TRPM3: variants seen among roughly 807,000 people sequenced by gnomAD.
The protein encoded by TRPM3 is long transient receptor potential channel 3.
TRPM3 carries 77 observed loss-of-function variants against 181.2 expected under a neutral mutation model. The ratio of observed to expected loss-of-function variants is 0.42; its 90% CI spans 0.35 to 0.51. The LOEUF is 0.51. Among genes scored for constraint, TRPM3 ranks in the 20% least tolerant of loss-of-function variants. TRPM3 has a pLI of 0.01. For missense variants in TRPM3, 1,759 were observed against 2,196.7 expected (o/e 0.80, Z 3.98); for synonymous variants, 745 against 796.4 (o/e 0.94, Z 1.09).
At chr9:70,770,601 C>A (rs1165146965) in intron 7 of TRPM3, among the ~76,000 whole-genome samples, 1 of 152,130 alleles carries the variant, frequency 6.6e-6, no homozygotes, top group Non-Finnish European at 1.5e-5. Context: ...TGGTATGGTG[C>A]CTTTGGCTGT....
intron 22 of TRPM3, among the ~76,000 whole-genome samples, chr9:70,581,683 G>C (rs751596018): frequency 1.3e-5 from 2 of 152,200 alleles, no homozygotes; most frequent in Non-Finnish European, 2.9e-5. Context: ...CATCTGCCTT[G>C]CTGTGTTTGG....
intron 1 of TRPM3, among the ~76,000 whole-genome samples, chr9:71,433,695 C>T (rs1305674443): frequency 6.6e-6 from 1 of 152,288 alleles, no homozygotes; most frequent in South Asian, 2.1e-4. Context: ...AGACACATAA[C>T]CCAAGATTAC....
At chr9:70,545,548 C>CTTTTTTT (rs5898150) in intron 25 of TRPM3, among the ~76,000 whole-genome samples, 23,452 of 113,038 alleles carry the variant, frequency 0.21, 3,774 homozygotes, top group South Asian at 0.35. Flanking sequence ...AATTTTCTTT[C>CTTTTTTT]TTTTTTTTTT....
At chr9:70,591,252 G>T in intron 21 of TRPM3, 47 bp from the exon 22 acceptor site, 1 of 1,526,116 alleles carries the variant, frequency 6.6e-7, no homozygotes, top group Admixed American at 1.7e-5. Flanking sequence ...AAACCCATAT[G>T]ATTGAGTGTT....
chr9:70,840,464 T>G (rs1199695437), intron 5 of TRPM3, among the ~76,000 whole-genome samples: 1 of 152,156 alleles, frequency 6.6e-6, no homozygotes, highest in Non-Finnish European at 1.5e-5. Context: ...GGAACAGGGA[T>G]GATGGATGCA....
intron 1 of TRPM3, among the ~76,000 whole-genome samples, chr9:71,288,396 C>G (rs2085485149): frequency 6.6e-6 from 1 of 151,944 alleles, no homozygotes; most frequent in Non-Finnish European, 1.5e-5. Flanking sequence ...TATACACATA[C>G]ACATATGTGC....
intron 19 of TRPM3, among the ~76,000 whole-genome samples, chr9:70,605,924 C>T (rs1052743298): frequency 6.6e-6 from 1 of 152,170 alleles, no homozygotes; most frequent in African/African-American, 2.4e-5. Context: ...CTTCCAGAAC[C>T]TCTGCATTTT....
chr9:70,621,254 A>G lies in TRPM3; in HGVS notation c.1829T>C (p.Leu610Pro). ...GPKRPKALKLLGMEDDIPLRR... is the reference protein window; with the variant it reads ...GPKRPKALKLPGMEDDIPLRR... The stretch of plus-strand genomic sequence containing the variant: ...TGGACAAACACTTACCTCCATTCCC[A>G]GCAGTTTCAAGGCTTTGGGCTGTTA... The change falls in exon 15 of 26, where the codon CTG becomes CCG. Residue 610 changes from leucine to proline, a missense_variant. Leu to Pro is a moderately conservative substitution (Grantham distance 98). Transcript: ENST00000677713. 1 of 1,600,638 alleles carries G rather than the reference A, an allele frequency of 6.2e-7. No individual in the cohort carries two copies. The highest frequency in any genetic ancestry group is 8.5e-7 in the Non-Finnish European group (1 of 1,173,568).
intron 1 of TRPM3, among the ~76,000 whole-genome samples, chr9:71,262,145 A>G (rs1035873672): frequency 1.3e-5 from 2 of 152,056 alleles, no homozygotes; most frequent in African/African-American, 2.4e-5. Context: ...GGGAGATGAG[A>G]GTTTTATCTA....
At chr9:71,394,482 C>T in intron 1 of TRPM3, among the ~76,000 whole-genome samples, 1 of 152,214 alleles carries the variant, frequency 6.6e-6, no homozygotes, top group East Asian at 1.9e-4. Context: ...TACATGGAGA[C>T]TACAAGCTTC....
At chr9:70,918,325 C>T (rs1375049411) in intron 1 of TRPM3, among the ~76,000 whole-genome samples, 1 of 152,126 alleles carries the variant, frequency 6.6e-6, no homozygotes, top group Non-Finnish European at 1.5e-5. Context: ...AATACACATT[C>T]TTCTCCTCAA....
intron 1 of TRPM3, among the ~76,000 whole-genome samples, chr9:71,175,597 G>C (rs1313862037): frequency 6.6e-6 from 1 of 152,176 alleles, no homozygotes; most frequent in Admixed American, 6.6e-5. Context: ...GATCCCCAAA[G>C]CAAAGTAACA....
chr9:70,856,052 T>C (rs1409423780), intron 3 of TRPM3, among the ~76,000 whole-genome samples: 3 of 152,136 alleles, frequency 2.0e-5, no homozygotes, highest in Non-Finnish European at 4.4e-5. Flanking sequence ...AAGCCACAAC[T>C]CAAGGTTTAG....
At position 70,616,172 on chromosome 9, in the gene TRPM3, G is replaced by A. The variant is rs1169063873; in HGVS notation, c.2359-97C>T. On this transcript the variant is annotated intron_variant, in intron 17 of 25. Coordinates refer to ENST00000677713, the MANE Select transcript of TRPM3 (RefSeq NM_001366145.2). Reference sequence around the variant, plus strand: ...AGAGAGCCTGAGGTATGGGGTATAAGAGTGTATGCGTGTGTGTGTGTACAC... The same window carrying A: ...AGAGAGCCTGAGGTATGGGGTATAAAAGTGTATGCGTGTGTGTGTGTACAC... The A allele has an allele frequency of 3.3e-6, 3 of 912,090 alleles. No homozygotes were observed. The African/African-American group carries it at 5.1e-5, about 15-fold the overall frequency. 56.5% of individuals were successfully genotyped at this position (912,090 alleles called of 1,614,324 possible).
chr9:71,220,571 C>T (rs1286293413), intron 1 of TRPM3, among the ~76,000 whole-genome samples: 1 of 151,792 alleles, frequency 6.6e-6, no homozygotes, highest in Non-Finnish European at 1.5e-5. Context: ...GGAAGCAGTA[C>T]AACTTAGAAA....
chr9:70,870,802 G>A (rs1211438020), intron 1 of TRPM3, among the ~76,000 whole-genome samples: 1 of 151,876 alleles, frequency 6.6e-6, no homozygotes, highest in Non-Finnish European at 1.5e-5. Context: ...TAGATACAGA[G>A]GTGATAGGTA....
At position 70,625,164 on chromosome 9, in the gene TRPM3, G is replaced by A. The variant is rs755889210; in HGVS notation, c.1809+27C>T. On this transcript the variant is annotated intron_variant, in intron 14 of 25. Transcript: ENST00000677713. This position sits in a 1 kb window ranked among gnomAD's most constrained non-coding sequence, Gnocchi z 4.8. The stretch of plus-strand genomic sequence containing the variant: ...CCATACACCCTAGTCCTCCCAGGAA[G>A]GGCCCCGAATTTGCAGCCAGCCTCA... 1.2e-6 allele frequency: 2 copies of A among 1,613,286 alleles called. No individual in the cohort carries two copies. The highest frequency in any genetic ancestry group is 1.1e-5 in the South Asian group (1 of 90,956).
In TRPM3 at chr9:71,221,743, C is replaced by T. The variant is rs141226660; in HGVS notation, c.183+224910G>A. On this transcript the variant is annotated intron_variant, in intron 1 of 24. Transcript: ENST00000357533. ...ACGGGACTAAACACAGGCCAATTAC[C>T]TCTGGGAACCCCATCTGGCAATGGC... is the stretch of plus-strand genomic sequence containing the variant. Among the ~76,000 whole-genome samples the T allele has an allele frequency of 7.1e-4, 108 of 152,310 alleles. 1 individual carries two copies. The highest frequency in any genetic ancestry group is 1.2e-3 in the South Asian group (6 of 4,830).
intron 1 of TRPM3, among the ~76,000 whole-genome samples, chr9:70,959,220 T>C (rs935691361): frequency 6.6e-6 from 1 of 152,068 alleles, no homozygotes; most frequent in African/African-American, 2.4e-5. Flanking sequence ...TATTTGCTTG[T>C]GTATATTCTT....
Sources: allele counts gnomAD v4.1 joint callset (sites outside exome capture counted in the v4.1 genomes callset), GRCh38; gene constraint gnomAD v4.1.1; non-coding constraint Gnocchi (gnomAD v3.1); transcripts MANE v1.5; gene names NCBI Gene and HGNC (gene_info 2026-07-23, HGNC 2026-07-21).